Variants in ADGRB3 observed in about 807,000 individuals in gnomAD.
The protein encoded by ADGRB3 is adhesion G protein-coupled receptor B3.
In ADGRB3, 37 loss-of-function variants were observed where a neutral mutation model predicts 193.4. The ratio of observed to expected loss-of-function variants is 0.19; its 90% CI spans 0.15 to 0.25. The LOEUF (loss-of-function observed/expected upper bound fraction) is 0.25. Ranked by LOEUF, ADGRB3 falls within the 10% of genes least tolerant of loss-of-function variation. ADGRB3 has a pLI of 1.00. For missense variants in ADGRB3, 1,637 were observed against 1,852.9 expected (o/e 0.88, Z 2.14); for synonymous variants, 690 against 644.2 (o/e 1.07, Z -1.08).
chr6:68,900,631 G>A (rs531627838), intron 3 of ADGRB3, among the ~76,000 whole-genome samples: 1 of 152,214 alleles, frequency 6.6e-6, no homozygotes, highest in South Asian at 2.1e-4. Flanking sequence ...CATGAACAAA[G>A]TACCATGGTG....
intron 17 of ADGRB3, among the ~76,000 whole-genome samples, chr6:69,103,524 T>C (rs1379167051): frequency 6.6e-6 from 1 of 152,100 alleles, no homozygotes; most frequent in African/African-American, 2.4e-5. Context: ...CATTTGCCAG[T>C]GAACCTTTGG....
At position 68,668,923 on chromosome 6, in the gene ADGRB3, A is replaced by G. The variant is rs1207729705; in HGVS notation, c.757+29491A>G. 2.6e-5 allele frequency among the ~76,000 whole-genome samples: 4 copies of G among 151,970 alleles called. No homozygotes were observed. In the East Asian group the frequency reaches 5.8e-4, roughly 22 times the overall value. On this transcript the variant is annotated intron_variant, in intron 3 of 31. Coordinates refer to ENST00000370598, the MANE Select transcript of ADGRB3 (RefSeq NM_001704.3). ...CTTGTTACAATAAGGAAAACTTTAT[A>G]AAGTAATCATCCCGTAGCATTGTAT...
intron 6 of ADGRB3, among the ~76,000 whole-genome samples, chr6:68,947,426 C>G (rs878953123): frequency 6.6e-6 from 1 of 151,864 alleles, no homozygotes; most frequent in Admixed American, 6.6e-5. Context: ...TCTTTTATTT[C>G]CTGTTTCTCT....
At chr6:69,138,575 G>A (rs752439995) in intron 17 of ADGRB3, among the ~76,000 whole-genome samples, 1 of 151,994 alleles carries the variant, frequency 6.6e-6, no homozygotes, top group African/African-American at 2.4e-5. Flanking sequence ...TTATTTTCTT[G>A]GAAAAGGAAA....
At chr6:68,763,250 C>G (rs1766446933) in intron 3 of ADGRB3, among the ~76,000 whole-genome samples, 1 of 152,088 alleles carries the variant, frequency 6.6e-6, no homozygotes, top group South Asian at 2.1e-4. Context: ...ACCATAATGC[C>G]TAGCTAATTT....
At chr6:69,200,406 A>G (rs751220068) in intron 17 of ADGRB3, among the ~76,000 whole-genome samples, 2 of 152,132 alleles carry the variant, frequency 1.3e-5, no homozygotes, top group African/African-American at 2.4e-5. Flanking sequence ...CAGTATACAA[A>G]TAAAATTAAA....
rs544559110 is a variant in ADGRB3, at chr6:69,347,602, C to T, written c.3460-6631C>T. Reference sequence around the variant, plus strand: ...GACCAGCCTGGGCAACACAGTGAGACCCACATCTCTACAAAAAAAAATTTA... The same window carrying T: ...GACCAGCCTGGGCAACACAGTGAGATCCACATCTCTACAAAAAAAAATTTA... On this transcript the variant is annotated intron_variant, in intron 26 of 31. Coordinates refer to ENST00000370598, the MANE Select transcript of ADGRB3 (RefSeq NM_001704.3). 2.5e-4 allele frequency among the ~76,000 whole-genome samples: 38 copies of T among 151,946 alleles called. No individual in the cohort carries two copies. The South Asian group carries it at 7.7e-3, about 31-fold the overall frequency.
intron 13 of ADGRB3, among the ~76,000 whole-genome samples, chr6:69,046,554 A>G (rs1771243854): frequency 6.6e-6 from 1 of 152,190 alleles, no homozygotes; most frequent in African/African-American, 2.4e-5. Context: ...TAATTTATTT[A>G]TGTGTTACCC....
At chr6:69,166,194 A>T (rs1775129142) in intron 17 of ADGRB3, among the ~76,000 whole-genome samples, 1 of 152,086 alleles carries the variant, frequency 6.6e-6, no homozygotes, top group South Asian at 2.1e-4. Flanking sequence ...CTCAATACAG[A>T]AGAGGGAAGA....
chr6:69,154,047 A>G (rs1774761318), intron 17 of ADGRB3, among the ~76,000 whole-genome samples: 1 of 152,162 alleles, frequency 6.6e-6, no homozygotes. Flanking sequence ...TAATATATCA[A>G]AATGAGTTGA....
chr6:69,339,206 T>C, intron 25 of ADGRB3, 127 bp from the exon 26 acceptor site: 1 of 1,241,138 alleles, frequency 8.1e-7, no homozygotes, highest in South Asian at 1.5e-5. Context: ...TCAAATGTCA[T>C]CTGCTTTGTG....
At chr6:68,995,718 C>G (rs1195290472) in intron 11 of ADGRB3, among the ~76,000 whole-genome samples, 2 of 152,130 alleles carry the variant, frequency 1.3e-5, no homozygotes, top group African/African-American at 4.8e-5. Flanking sequence ...TTTCCTATGT[C>G]ATTAACTTTA....
chr6:69,273,634 G>GT (rs1691152230), intron 20 of ADGRB3, among the ~76,000 whole-genome samples: 1 of 152,178 alleles, frequency 6.6e-6, no homozygotes, highest in East Asian at 1.9e-4. Flanking sequence ...TTTTGGGAAT[G>GT]TTTACATGCT....
chr6:69,257,631 T>C (rs950266466), intron 20 of ADGRB3, among the ~76,000 whole-genome samples: 4 of 152,180 alleles, frequency 2.6e-5, no homozygotes, highest in Non-Finnish European at 5.9e-5. Context: ...CTAAGAACAA[T>C]TGGAAAAAAA....
rs537608404 is a variant in ADGRB3 at position 69,383,791 on chromosome 6, A to G, written c.4380+856A>G. On this transcript the variant is annotated intron_variant, in intron 31 of 31. Coordinates refer to ENST00000370598, the MANE Select transcript of ADGRB3 (RefSeq NM_001704.3). ...TAGGCTAGGAAGCTGAGGCTCAGCT[A>G]TAAGACATAGAGCTGGGACTGCCAT... 5.9e-5 allele frequency among the ~76,000 whole-genome samples: 9 copies of G among 152,190 alleles called. No homozygotes were observed. In the South Asian group the frequency reaches 1.4e-3, roughly 25 times the overall value.
At chr6:68,782,320 G>A (rs180680180) in intron 3 of ADGRB3, among the ~76,000 whole-genome samples, 1 of 151,706 alleles carries the variant, frequency 6.6e-6, no homozygotes, top group African/African-American at 2.4e-5. Flanking sequence ...TTTTATGGCT[G>A]CATAGTATTC....
chr6:69,188,947 A>T (rs1765126031), intron 17 of ADGRB3, among the ~76,000 whole-genome samples: 1 of 152,226 alleles, frequency 6.6e-6, no homozygotes, highest in Non-Finnish European at 1.5e-5. Flanking sequence ...TGCGTAAAAT[A>T]AAATAAAAAT....
chr6:69,146,465 C>T (rs1006017168), intron 17 of ADGRB3, among the ~76,000 whole-genome samples: 1 of 152,196 alleles, frequency 6.6e-6, no homozygotes, highest in African/African-American at 2.4e-5. Context: ...TGCAGCTGCA[C>T]CTCAGAGGGT....
chr6:69,305,118 A>G (rs1768037609), intron 20 of ADGRB3, among the ~76,000 whole-genome samples: 1 of 151,594 alleles, frequency 6.6e-6, no homozygotes. Context: ...GACTATTGTG[A>G]AGGCTAGAAA....
Sources: allele counts gnomAD v4.1 joint callset (sites outside exome capture counted in the v4.1 genomes callset), GRCh38; gene constraint gnomAD v4.1.1; transcripts MANE v1.5; gene names NCBI Gene and HGNC (gene_info 2026-07-23, HGNC 2026-07-21).